Variants in IP6K3 observed in about 807,000 individuals in gnomAD.
IP6K3 encodes the protein ATP:1D-myo-inositol-hexakisphosphate phosphotransferase.
IP6K3 carries 20 observed loss-of-function variants against 28.8 expected under a neutral mutation model. The observed-to-expected ratio is 0.70, with a 90% CI of 0.49 to 1.01. IP6K3 has a LOEUF of 1.01. IP6K3 is among the 50% of genes least tolerant of loss of function. The pLI is 0.00. For synonymous variants in IP6K3, 213 were observed against 221.3 expected (o/e 0.96, Z 0.33); for missense variants, 480 against 537.1 (o/e 0.89, Z 1.05).
the IP6K3 span, among the ~76,000 whole-genome samples, chr6:33,756,559 A>C: frequency 3.9e-5 from 6 of 152,186 alleles, no homozygotes. Context: ...AATCCTAAAC[A>C]ATCTGTGAAG....
chr6:33,729,731 T>G (rs185248389), intron 2 of IP6K3, among the ~76,000 whole-genome samples: 3 of 152,138 alleles, frequency 2.0e-5, no homozygotes, highest in Admixed American at 6.5e-5. Flanking sequence ...TTTTTTTTTT[T>G]GAGATGGAGT....
rs775163435 is a variant in IP6K3, at chr6:33,725,500, T to A, written c.706A>T (p.Met236Leu). The A allele has an allele frequency of 6.2e-7, 1 of 1,613,992 alleles. No homozygotes were observed. Among genetic ancestry groups the A allele is most frequent in the South Asian group, 1.1e-5 (1 of 91,084 alleles). Reference sequence around the variant, plus strand: ...GAGGTGCTCTGCGCACACTTCCTCATGTGGCGGGCCTTCTTCTCCTCCGAT... The same window carrying A: ...GAGGTGCTCTGCGCACACTTCCTCAAGTGGCGGGCCTTCTTCTCCTCCGAT... ...DASEEKKARH[M>L]RKCAQSTSAC... Residue 236 changes from methionine (M) to leucine (L), a missense_variant, in exon 5 of 6, where the codon ATG becomes TTG. By Grantham distance (15) the Met-to-Leu change is conservative. Transcript: ENST00000293756.
At chr6:33,762,130 T>C in the IP6K3 span, among the ~76,000 whole-genome samples, 15 of 152,192 alleles carry the variant, frequency 9.9e-5, no homozygotes, top group African/African-American at 3.1e-4. Flanking sequence ...CCGGAGCCCT[T>C]GTGTGTTCAG....
intron 5 of IP6K3, 102 bp from the exon 6 acceptor site, chr6:33,723,289 T>C: frequency 5.3e-6 from 4 of 750,652 alleles, no homozygotes; most frequent in Non-Finnish European, 8.4e-6. Context: ...TATGAACAGA[T>C]TTTTAGGAGA....
intron 2 of IP6K3, 70 bp downstream of exon 2, chr6:33,735,208 G>C: frequency 7.6e-7 from 1 of 1,315,050 alleles, no homozygotes; most frequent in Non-Finnish European, 1.1e-6. Context: ...GGAGGACGTG[G>C]TGGGTGCATT....
At chr6:33,761,909 G>A in the IP6K3 span, among the ~76,000 whole-genome samples, 1 of 152,114 alleles carries the variant, frequency 6.6e-6, no homozygotes, top group Non-Finnish European at 1.5e-5. Flanking sequence ...TCAGTGCTGG[G>A]GATGGGGCTC....
At position 33,722,000 on chromosome 6, in the gene IP6K3, A is replaced by G. The variant is rs1765916904; in HGVS notation, c.*720T>C. 1 of 152,278 alleles carries G rather than the reference A, an allele frequency of 6.6e-6. No homozygotes were observed. Among genetic ancestry groups the G allele is most frequent in the African/African-American group, 2.4e-5 (1 of 41,428 alleles). 9.4% of individuals were successfully genotyped at this position (152,278 alleles called of 1,614,324 possible). On this transcript the variant is annotated 3_prime_UTR_variant, in exon 6 of 6. Coordinates refer to ENST00000293756, the MANE Select transcript of IP6K3 (RefSeq NM_054111.5). ...ATGGTCAGAATGTGGCAGAATGGGGAACTCCAAAGTCTGCTAAGAGATTCC... is the reference window on the plus strand; with the variant it reads ...ATGGTCAGAATGTGGCAGAATGGGGGACTCCAAAGTCTGCTAAGAGATTCC...
the IP6K3 span, among the ~76,000 whole-genome samples, chr6:33,753,934 G>A: frequency 3.3e-5 from 5 of 152,016 alleles, no homozygotes; most frequent in African/African-American, 9.7e-5. Flanking sequence ...TCAGCCTCCC[G>A]AGTAGCTGGG....
At chr6:33,750,400 A>G (rs574404290), upstream of IP6K3, among the ~76,000 whole-genome samples, 1 of 152,094 alleles carries the variant, frequency 6.6e-6, no homozygotes, top group South Asian at 2.1e-4. This position sits in a 1 kb window ranked among gnomAD's most constrained non-coding sequence, Gnocchi z 4.3. Context: ...GCCCCACCTC[A>G]CACCTGGTTA....
the IP6K3 span, among the ~76,000 whole-genome samples, chr6:33,752,041 G>T: frequency 1.3e-5 from 2 of 152,198 alleles, no homozygotes; most frequent in Non-Finnish European, 2.9e-5. Flanking sequence ...CCTGCTGAGG[G>T]TCACATGGGG....
Position 33,735,291 on chromosome 6 carries a change from G to A in IP6K3, c.186C>T (p.Thr62=), listed in dbSNP as rs981575742. The change falls in exon 2 of 6, where the codon ACC becomes ACT. Residue 62 remains threonine, a synonymous_variant. Transcript: ENST00000293756. ...CTAGACACTCACCTTTGTACTGTGGGGTGAACCGCTTCATGGCCAGCGGCA... is the reference window on the plus strand; with the variant it reads ...CTAGACACTCACCTTTGTACTGTGGAGTGAACCGCTTCATGGCCAGCGGCA... ...ESLPLAMKRF[T]PQYKGTVTVH... is the part of the protein sequence containing the mutation. 5 of 1,612,308 alleles carry A rather than the reference G, an allele frequency of 3.1e-6. No homozygotes were observed. The highest frequency in any genetic ancestry group is 4.2e-6 in the Non-Finnish European group (5 of 1,179,632).
At chr6:33,752,340 G>A in the IP6K3 span, among the ~76,000 whole-genome samples, 1 of 152,196 alleles carries the variant, frequency 6.6e-6, no homozygotes, top group African/African-American at 2.4e-5. Context: ...CCTTCTCTAG[G>A]GTGGAGGGCC....
At chr6:33,725,701 T>C in intron 4 of IP6K3, 85 bp from the exon 5 acceptor site, 2 of 1,271,270 alleles carry the variant, frequency 1.6e-6, no homozygotes, top group Non-Finnish European at 2.2e-6. Flanking sequence ...AGAAGCTGCC[T>C]GGAAATTCCC....
At chr6:33,759,370 G>T in the IP6K3 span, among the ~76,000 whole-genome samples, 8 of 152,028 alleles carry the variant, frequency 5.3e-5, no homozygotes, top group Non-Finnish European at 1.2e-4. Flanking sequence ...TCTGCCTCCC[G>T]CGGAGAGACT....
chr6:33,740,484 G>A lies in IP6K3; in HGVS notation c.-179-4829C>T, dbSNP rs369784134. Among the ~76,000 whole-genome samples, 23 of 152,358 alleles carry A rather than the reference G, an allele frequency of 1.5e-4. No homozygotes were observed. In the East Asian group the frequency reaches 1.5e-3, roughly 10 times the overall value. On this transcript the variant is annotated intron_variant, in intron 1 of 5. Coordinates refer to ENST00000293756, the MANE Select transcript of IP6K3 (RefSeq NM_054111.5). ...ACAGACCCTGCTCCGCAGCCCCACA[G>A]GGCCTGAGTGACAGCCAGCCTGTGC...
At chr6:33,728,784 CCTTCT>C (rs768158570) in intron 2 of IP6K3, among the ~76,000 whole-genome samples, 1 of 152,142 alleles carries the variant, frequency 6.6e-6, no homozygotes, top group Non-Finnish European at 1.5e-5. Flanking sequence ...TCCTGAGCAC[CCTTCT>C]TCTCCCTCCC....
rs1228127681 is a variant in IP6K3, at chr6:33,746,867, AGCATTTGCTGTTCAC to A, written c.-304_-290del. ...CAGGCAATGGCCCGTCCCAGCGTGG[AGCATTTGCTGTTCAC>A]CAGAGCCCTGGTGCGGGAGGTCTGC... On this transcript the variant is annotated 5_prime_UTR_variant, in exon 1 of 6. The change abolishes an upstream ATG in the 5' untranslated region. Coordinates refer to ENST00000293756, the MANE Select transcript of IP6K3 (RefSeq NM_054111.5). The surrounding 1 kb of genome is among the most constrained non-coding windows in gnomAD (Gnocchi z 6.5). 1 of 152,242 alleles carries A rather than the reference AGCATTTGCTGTTCAC, an allele frequency of 6.6e-6. No homozygotes were observed. Among genetic ancestry groups the A allele is most frequent in the African/African-American group, 2.4e-5 (1 of 41,396 alleles). 9.4% of individuals were successfully genotyped at this position (152,242 alleles called of 1,614,324 possible). A position where few individuals can be genotyped will look rare whatever the true frequency, so the allele number is the denominator to read the frequency against.
In IP6K3 at chr6:33,734,076, G is replaced by A. The variant is rs180739620; in HGVS notation, c.199+1202C>T. Reference sequence around the variant, plus strand: ...AAATTGGCCGAGCATGGTGGCAGGCGCCTGTAATCCCAGTTACTCCGGAGG... The same window carrying A: ...AAATTGGCCGAGCATGGTGGCAGGCACCTGTAATCCCAGTTACTCCGGAGG... On this transcript the variant is annotated intron_variant, in intron 2 of 5. Transcript: ENST00000293756. 4.8e-3 allele frequency among the ~76,000 whole-genome samples: 727 copies of A among 152,146 alleles called. 5 individuals carry two copies. The highest frequency in any genetic ancestry group is 0.012 in the African/African-American group (479 of 41,480).
Position 33,727,822 on chromosome 6 carries a change from G to T in IP6K3, c.413+265C>A. On this transcript the variant is annotated intron_variant, in intron 3 of 5. Coordinates refer to ENST00000293756, the MANE Select transcript of IP6K3 (RefSeq NM_054111.5). ...AACAGATATTTAATTAAACAAATATGTACTGAATACCTACTCAGTAGACAA... is the reference window on the plus strand; with the variant it reads ...AACAGATATTTAATTAAACAAATATTTACTGAATACCTACTCAGTAGACAA... The T allele has an allele frequency of 6.1e-6, 6 of 983,680 alleles. No homozygotes were observed. In the South Asian group the frequency reaches 2.8e-4, roughly 46 times the overall value. The allele number at this position is 983,680 out of a possible 1,614,324, so 60.9% of individuals were successfully genotyped here.
Sources: gnomAD v4.1 joint callset for allele counts (sites outside exome capture counted in the v4.1 genomes callset) on GRCh38, gnomAD v4.1.1 for gene constraint, Gnocchi (gnomAD v3.1) non-coding constraint, MANE v1.5 for transcripts, NCBI Gene and HGNC (gene_info 2026-07-23, HGNC 2026-07-21) for gene names.